Variants in SPECC1 observed in about 807,000 individuals in gnomAD.
SPECC1 encodes sperm antigen with calponin homology and coiled-coil domains 1.
Under a neutral mutation model 104.1 loss-of-function variants are expected in SPECC1, and 62 were observed. That is an observed-to-expected ratio of 0.60 (90% confidence interval 0.49 to 0.74). The LOEUF (loss-of-function observed/expected upper bound fraction) is 0.74. Among genes scored for constraint, SPECC1 ranks in the 30% least tolerant of loss-of-function variants. SPECC1 has a pLI of 0.00. For missense variants in SPECC1, 1,306 were observed against 1,310.5 expected (o/e 1.00, Z 0.05); for synonymous variants, 513 against 501.6 (o/e 1.02, Z -0.30).
At chr17:20,068,270 C>T (rs4479309) in intron 1 of SPECC1, among the ~76,000 whole-genome samples, 81,701 of 152,008 alleles carry the variant, frequency 0.54, 22,462 homozygotes, top group Middle Eastern at 0.62. Context: ...CTGTGTGGCT[C>T]CTTTTGTTCA....
At chr17:20,144,555 CAA>C (rs2031245193) in intron 3 of SPECC1, among the ~76,000 whole-genome samples, 1 of 152,088 alleles carries the variant, frequency 6.6e-6, no homozygotes, top group Admixed American at 6.6e-5. Context: ...ATGAGACACA[CAA>C]AATACATAGG....
At chr17:20,156,073 C>T (rs1383237683) in intron 3 of SPECC1, 3 of 1,322,240 alleles carry the variant, frequency 2.3e-6, no homozygotes, top group African/African-American at 1.5e-5. Flanking sequence ...GCGCCCGGTC[C>T]TTTCTTTGAC....
chr17:20,232,486 T>C, intron 7 of SPECC1, 81 bp downstream of exon 7: 16 of 1,444,402 alleles, frequency 1.1e-5, no homozygotes, highest in Non-Finnish European at 1.5e-5. Context: ...GGACTCTTCA[T>C]GTCTGTGCCA....
In SPECC1 at chr17:20,232,335, G is replaced by C; in HGVS notation, c.2281G>C (p.Ala761Pro). ...RKLLEEEEKN[A>P]RLQKELGDVQ... The stretch of plus-strand genomic sequence containing the variant: ...ACTGCTGGAGGAGGAGGAGAAGAAT[G>C]CCCGGTTGCAGAAGGAGCTGGGGGA... Residue 761 changes from alanine (A) to proline (P), a missense_variant, in exon 7 of 15, where the codon GCC becomes CCC. This residue lies in a region of SPECC1 where 1,177 missense variants were observed against 1,139.9 expected (regional missense o/e 1.03). Coordinates refer to ENST00000395527, the MANE Select transcript of SPECC1 (RefSeq NM_001243439.2). 6.2e-7 allele frequency: 1 copy of C among 1,614,084 alleles called. No homozygotes were observed. The highest frequency in any genetic ancestry group is 8.5e-7 in the Non-Finnish European group (1 of 1,179,988).
At chr17:20,225,880 C>T (rs1442404776) in intron 4 of SPECC1, among the ~76,000 whole-genome samples, 2 of 152,148 alleles carry the variant, frequency 1.3e-5, no homozygotes, top group Admixed American at 1.3e-4. Context: ...TATCCTTTGT[C>T]ACAATTTCCC....
At chr17:20,283,910 A>G (rs144908861) in intron 12 of SPECC1, among the ~76,000 whole-genome samples, 1 of 152,192 alleles carries the variant, frequency 6.6e-6, no homozygotes, top group Non-Finnish European at 1.5e-5. Flanking sequence ...GATTACAGGA[A>G]TATATTTTGA....
chr17:20,023,813 A>C (rs1309296660), intron 1 of SPECC1, among the ~76,000 whole-genome samples: 1 of 152,104 alleles, frequency 6.6e-6, no homozygotes, highest in Non-Finnish European at 1.5e-5. Context: ...AGAAAATAAA[A>C]AAAAAAAACA....
At chr17:20,115,436 A>G (rs183832785) in intron 3 of SPECC1, among the ~76,000 whole-genome samples, 21 of 152,260 alleles carry the variant, frequency 1.4e-4, no homozygotes, top group African/African-American at 4.6e-4. Context: ...TCGTGCAACT[A>G]CACTCCAGCC....
Position 20,318,097 on chromosome 17 carries a change from A to G in SPECC1, c.*4032A>G, listed in dbSNP as rs1370910380. 4.3e-6 allele frequency: 1 copy of G among 231,126 alleles called. No individual in the cohort carries two copies. Among genetic ancestry groups the G allele is most frequent in the African/African-American group, 2.2e-5 (1 of 45,216 alleles). The allele number at this position is 231,126 out of a possible 1,614,324, so 14.3% of individuals were successfully genotyped here. ...GACCACAACAGCCACATTTCTTTCC[A>G]TCTTCCCTCAGCCAGTAGTCATTTA... On this transcript the variant is annotated 3_prime_UTR_variant, in exon 15 of 15. Coordinates refer to ENST00000395527, the MANE Select transcript of SPECC1 (RefSeq NM_001243439.2).
Position 20,062,487 on chromosome 17 carries a change from C to T in SPECC1, c.-21-34144C>T, listed in dbSNP as rs530545050. Among the ~76,000 whole-genome samples, 7 of 152,040 alleles carry T rather than the reference C, an allele frequency of 4.6e-5. No homozygotes were observed. In the South Asian group the frequency reaches 1.5e-3, roughly 32 times the overall value. ...ACGTGATCCTCCCACCTCAGCCTCC[C>T]AAGTAGTTGGGACTACAGGCATGTG... On this transcript the variant is annotated intron_variant, in intron 1 of 14. Coordinates refer to ENST00000395527, the MANE Select transcript of SPECC1 (RefSeq NM_001243439.2).
intron 2 of SPECC1, among the ~76,000 whole-genome samples, chr17:20,105,860 G>T (rs991710109): frequency 2.0e-5 from 3 of 152,198 alleles, no homozygotes; most frequent in African/African-American, 4.8e-5. Flanking sequence ...CTGCTGCTCT[G>T]GGGTGGTGGC....
At chr17:20,211,833 T>C (rs892293401) in intron 4 of SPECC1, among the ~76,000 whole-genome samples, 17 of 152,202 alleles carry the variant, frequency 1.1e-4, no homozygotes, top group African/African-American at 3.9e-4. Flanking sequence ...CTGACCCTGC[T>C]TCCCTGCGAT....
intron 1 of SPECC1, among the ~76,000 whole-genome samples, chr17:20,069,538 T>A (rs573084216): frequency 2.1e-4 from 32 of 152,172 alleles, no homozygotes; most frequent in Non-Finnish European, 3.8e-4. Flanking sequence ...GGAGTCTAAC[T>A]TTGTTCTTTT....
chr17:20,067,553 TGTC>T (rs2046401085), intron 1 of SPECC1, among the ~76,000 whole-genome samples: 1 of 152,180 alleles, frequency 6.6e-6, no homozygotes, highest in Non-Finnish European at 1.5e-5. Context: ...CAAAATATAT[TGTC>T]GTCATTGTTC....
At chr17:20,017,150 C>G (rs993888957) in intron 1 of SPECC1, 2 of 152,246 alleles carry the variant, frequency 1.3e-5, no homozygotes, top group Non-Finnish European at 2.9e-5. Context: ...AGAGTGGTAA[C>G]GTGCTGCGGT....
At chr17:20,238,430 T>C (rs1219357525) in intron 7 of SPECC1, 1 of 1,042,002 alleles carries the variant, frequency 9.6e-7, no homozygotes, top group African/African-American at 1.7e-5. Flanking sequence ...CATGAGGAAC[T>C]GGTTCACAGT....
At chr17:20,304,697 A>C (rs1037043907) in intron 13 of SPECC1, among the ~76,000 whole-genome samples, 3 of 152,122 alleles carry the variant, frequency 2.0e-5, no homozygotes, top group Non-Finnish European at 4.4e-5. Flanking sequence ...ATGGGGGTAA[A>C]ATCCAAAAAT....
chr17:20,250,940 T>C (rs565393661), intron 9 of SPECC1, among the ~76,000 whole-genome samples: 30 of 151,960 alleles, frequency 2.0e-4, no homozygotes, highest in Non-Finnish European at 3.8e-4. Context: ...AAAAAGAATA[T>C]GGTTGGCCAG....
intron 3 of SPECC1, among the ~76,000 whole-genome samples, chr17:20,163,179 CAAAT>C (rs2033329337): frequency 6.6e-6 from 1 of 152,068 alleles, no homozygotes; most frequent in East Asian, 1.9e-4. Flanking sequence ...GACAGAAAAT[CAAAT>C]ATATATACTG....
Sources: gnomAD v4.1 joint callset for allele counts (sites outside exome capture counted in the v4.1 genomes callset) on GRCh38, gnomAD v4.1.1 for gene constraint, gnomAD v4.1.1 regional missense constraint, MANE v1.5 for transcripts, NCBI Gene and HGNC (gene_info 2026-07-23, HGNC 2026-07-21) for gene names.